The following LINGO2 variants were observed in gnomAD, a reference collection of about 807,000 sequenced individuals.
LINGO2 encodes the protein leucine-rich repeat and immunoglobulin-like domain-containing nogo receptor-interacting protein 2.
A neutral mutation model predicts 30.6 loss-of-function variants in LINGO2; 14 were observed. The observed-to-expected ratio is 0.46, with a 90% CI of 0.30 to 0.72. The LOEUF (loss-of-function observed/expected upper bound fraction) is 0.72, where lower values mean the gene tolerates loss of function less well. LINGO2 is among the 30% of genes least tolerant of loss of function. The pLI is 0.07. For synonymous variants in LINGO2, 317 were observed against 288.5 expected (o/e 1.10, Z -1.00); for missense variants, 729 against 751.7 (o/e 0.97, Z 0.35).
intron 4 of LINGO2, among the ~76,000 whole-genome samples, chr9:28,075,689 C>T (rs779124469): frequency 1.5e-4 from 23 of 151,856 alleles, no homozygotes; most frequent in Admixed American, 6.6e-4. Context: ...TCTTGTTCTG[C>T]TGAGTTTTCT....
chr9:29,058,037 T>A, the LINGO2 span, among the ~76,000 whole-genome samples: 2 of 151,766 alleles, frequency 1.3e-5, no homozygotes, highest in Non-Finnish European at 2.9e-5. Flanking sequence ...CAACAAGACA[T>A]CCATAAAGGT....
chr9:28,027,849 G>C (rs1205297734), intron 4 of LINGO2, among the ~76,000 whole-genome samples: 4 of 152,086 alleles, frequency 2.6e-5, no homozygotes, highest in Non-Finnish European at 5.9e-5. Flanking sequence ...CTTGGATTAA[G>C]AATTTAGCTG....
chr9:28,802,857 A>T, the LINGO2 span, among the ~76,000 whole-genome samples: 1 of 152,160 alleles, frequency 6.6e-6, no homozygotes, highest in African/African-American at 2.4e-5. Context: ...AAGAAGTATA[A>T]GTCCCCAAAC....
intron 2 of LINGO2, among the ~76,000 whole-genome samples, chr9:28,400,315 T>C (rs753638128): frequency 6.6e-6 from 1 of 152,194 alleles, no homozygotes; most frequent in Non-Finnish European, 1.5e-5. Flanking sequence ...GTTCCATTAG[T>C]GTGCAGGAAT....
intron 3 of LINGO2, among the ~76,000 whole-genome samples, chr9:28,334,523 G>GA (rs1337943309): frequency 6.6e-6 from 1 of 152,070 alleles, no homozygotes; most frequent in East Asian, 1.9e-4. Flanking sequence ...TTTTTATGAG[G>GA]AAAAATGAGT....
At chr9:28,760,840 T>C in the LINGO2 span, among the ~76,000 whole-genome samples, 6 of 151,792 alleles carry the variant, frequency 4.0e-5, no homozygotes, top group Admixed American at 1.3e-4. Flanking sequence ...AATTCTTTCC[T>C]TTTTATGGCT....
intron 1 of LINGO2, among the ~76,000 whole-genome samples, chr9:28,570,809 A>T (rs578240034): frequency 6.6e-6 from 1 of 151,956 alleles, no homozygotes; most frequent in East Asian, 1.9e-4. Context: ...ATAAATCCAG[A>T]CTTTCTTCTC....
At chr9:28,123,703 G>C (rs1045159232) in intron 4 of LINGO2, among the ~76,000 whole-genome samples, 1 of 151,094 alleles carries the variant, frequency 6.6e-6, no homozygotes, top group Non-Finnish European at 1.5e-5. Context: ...TCATTCTGTC[G>C]CCCAGGCTGG....
the LINGO2 span, among the ~76,000 whole-genome samples, chr9:29,126,193 T>C: frequency 6.6e-6 from 1 of 152,044 alleles, no homozygotes; most frequent in Non-Finnish European, 1.5e-5. Flanking sequence ...GGGAAAATAG[T>C]TTCAAAAGAA....
At chr9:28,693,305 C>T in the LINGO2 span, among the ~76,000 whole-genome samples, 1 of 151,962 alleles carries the variant, frequency 6.6e-6, no homozygotes, top group African/African-American at 2.4e-5. Context: ...TTTCAGACAC[C>T]TAAAATTTGG....
chr9:28,258,281 T>C (rs1327855614), intron 4 of LINGO2, among the ~76,000 whole-genome samples: 3 of 151,884 alleles, frequency 2.0e-5, no homozygotes, highest in Non-Finnish European at 4.4e-5. Context: ...TTAAGGGTCA[T>C]AGGAGAGGAG....
At chr9:28,566,711 C>T (rs1007776481) in intron 1 of LINGO2, among the ~76,000 whole-genome samples, 1 of 152,082 alleles carries the variant, frequency 6.6e-6, no homozygotes, top group African/African-American at 2.4e-5. Flanking sequence ...TAGTTTGTAA[C>T]AAATAAACAA....
chr9:28,594,122 C>T (rs570663012), intron 1 of LINGO2, among the ~76,000 whole-genome samples: 51 of 151,830 alleles, frequency 3.4e-4, no homozygotes, highest in African/African-American at 1.2e-3. Flanking sequence ...AAATGGCGTT[C>T]GTGGGTGTTA....
At chr9:28,167,688 A>G (rs750251015) in intron 4 of LINGO2, among the ~76,000 whole-genome samples, 6 of 152,082 alleles carry the variant, frequency 3.9e-5, no homozygotes, top group Non-Finnish European at 7.4e-5. Context: ...CACCCCACCT[A>G]TTGTCTAATT....
At chr9:28,201,443 G>A (rs1258571542) in intron 4 of LINGO2, among the ~76,000 whole-genome samples, 1 of 146,552 alleles carries the variant, frequency 6.8e-6, no homozygotes, top group African/African-American at 2.5e-5. Flanking sequence ...ATTCCATGGT[G>A]TATATGTGCC....
chr9:28,363,275 G>A (rs2134519611), intron 3 of LINGO2, among the ~76,000 whole-genome samples: 1 of 152,282 alleles, frequency 6.6e-6, no homozygotes, highest in African/African-American at 2.4e-5. Context: ...AAACAGCCAT[G>A]ACATATACAC....
intron 4 of LINGO2, among the ~76,000 whole-genome samples, chr9:28,199,334 T>C (rs796745275): frequency 8.2e-6 from 1 of 122,176 alleles, no homozygotes; most frequent in Admixed American, 7.9e-5. Context: ...TTCTTCTTCT[T>C]CTTCTTCTTC....
chr9:28,315,099 C>A (rs964738284), intron 3 of LINGO2, among the ~76,000 whole-genome samples: 1 of 151,116 alleles, frequency 6.6e-6, no homozygotes, highest in Non-Finnish European at 1.5e-5. Context: ...CCCAAACGAT[C>A]ATTGGTAACA....
At chr9:28,085,994 T>A (rs1489701142) in intron 4 of LINGO2, among the ~76,000 whole-genome samples, 1 of 152,058 alleles carries the variant, frequency 6.6e-6, no homozygotes, top group Admixed American at 6.6e-5. Flanking sequence ...GTAGTATGTT[T>A]ATATTAAAAT....
Sources: allele counts gnomAD v4.1 joint callset (sites outside exome capture counted in the v4.1 genomes callset), GRCh38; gene constraint gnomAD v4.1.1; transcripts MANE v1.5; gene names NCBI Gene and HGNC (gene_info 2026-07-23, HGNC 2026-07-21).